PTPRB: variants seen among roughly 807,000 people sequenced by gnomAD.
PTPRB encodes the protein protein tyrosine phosphatase receptor type B, also known as receptor-type tyrosine-protein phosphatase beta.
A neutral mutation model predicts 238.1 loss-of-function variants in PTPRB; 97 were observed. That is an observed-to-expected ratio of 0.41 (90% CI 0.35 to 0.48). The LOEUF (loss-of-function observed/expected upper bound fraction) is 0.48, where lower values mean the gene tolerates loss of function less well. Ranked by LOEUF, PTPRB falls within the 20% of genes least tolerant of loss-of-function variation. PTPRB has a pLI of 0.30. For missense variants in PTPRB, 2,292 were observed against 2,681.9 expected, an observed-to-expected ratio of 0.85 and a Z score of 3.21; for synonymous variants, 970 against 995.4, an observed-to-expected ratio of 0.97 and a Z score of 0.48.
intron 22 of PTPRB, 80 bp from the exon 23 acceptor site, chr12:70,541,037 A>T: frequency 9.2e-7 from 1 of 1,084,892 alleles, no homozygotes; most frequent in East Asian, 2.6e-5. Flanking sequence ...TATTGAAGCC[A>T]TATCTCCCAA....
chr12:70,631,060 C>T (rs1396166299), intron 2 of PTPRB, among the ~76,000 whole-genome samples: 2 of 152,098 alleles, frequency 1.3e-5, no homozygotes, highest in Admixed American at 6.6e-5. Flanking sequence ...ACTTTCTTCA[C>T]AGAATTGGAA....
At chr12:70,600,953 C>T (rs1027140604) in intron 4 of PTPRB, among the ~76,000 whole-genome samples, 4 of 151,942 alleles carry the variant, frequency 2.6e-5, no homozygotes, top group African/African-American at 7.3e-5. Context: ...CTGCAACCTC[C>T]GCCTCCTGGG....
chr12:70,555,446 C>A, intron 19 of PTPRB, 137 bp from the exon 20 acceptor site: 1 of 849,070 alleles, frequency 1.2e-6, no homozygotes. Flanking sequence ...GTGTTTAATG[C>A]TGTAATCAAG....
intron 21 of PTPRB, among the ~76,000 whole-genome samples, chr12:70,552,498 A>AAAAAT (rs1555224803): frequency 1.8e-4 from 27 of 150,286 alleles, no homozygotes; most frequent in African/African-American, 5.4e-4. Context: ...AAAAAAAAAA[A>AAAAAT]AATAATGAAA....
chr12:70,530,074 T>C (rs779141449), intron 32 of PTPRB, among the ~76,000 whole-genome samples: 27 of 152,046 alleles, frequency 1.8e-4, no homozygotes, highest in Non-Finnish European at 3.4e-4. Flanking sequence ...ATAAATATCA[T>C]GGAAAACAAA....
Position 70,515,939 on chromosome 12 carries a change from T to TTA in PTPRB, c.*5549_*5550insTA, listed in dbSNP as rs1871174643. The TTA allele has an allele frequency of 1.3e-5, 2 of 151,790 alleles. No homozygotes were observed. Among genetic ancestry groups the TTA allele is most frequent in the African/African-American group, 4.8e-5 (2 of 41,376 alleles). The allele number at this position is 151,790 out of a possible 1,614,324, so 9.4% of individuals were successfully genotyped here. On this transcript the variant is annotated 3_prime_UTR_variant, in exon 34 of 34. Transcript: ENST00000334414. ...CAAGATGCTATATAGATTTTTTTTT[T>TTA]ACCACAGTTACAAATATAAAAATGT...
chr12:70,539,085 GATAAC>G (rs1874637722), intron 26 of PTPRB, 71 bp from the exon 27 acceptor site: 1 of 1,191,180 alleles, frequency 8.4e-7, no homozygotes, highest in African/African-American at 1.5e-5. Context: ...CAGTCCTGGA[GATAAC>G]ATAATAACAT....
At chr12:70,554,871 G>A (rs528319555) in intron 20 of PTPRB, among the ~76,000 whole-genome samples, 10 of 152,294 alleles carry the variant, frequency 6.6e-5, no homozygotes, top group African/African-American at 2.2e-4. Context: ...TGCACAGCAC[G>A]TAGTAAGGGC....
In PTPRB at chr12:70,539,938, C is replaced by T; in HGVS notation, c.5678+1G>A. 1 of 1,605,818 alleles carries T rather than the reference C, an allele frequency of 6.2e-7. No individual in the cohort carries two copies. Among genetic ancestry groups the T allele is most frequent in the Non-Finnish European group, 8.5e-7 (1 of 1,172,500 alleles). ...TATACGAAGGCAAATGTGGTGCTTACCCTTTCTGGCCCAGGTTTAAGTGGA... is the reference window on the plus strand; with the variant it reads ...TATACGAAGGCAAATGTGGTGCTTATCCTTTCTGGCCCAGGTTTAAGTGGA... On this transcript the variant is annotated splice_donor_variant, in intron 24 of 33. Transcript: ENST00000334414. LOFTEE classifies it high-confidence loss of function.
intron 21 of PTPRB, among the ~76,000 whole-genome samples, chr12:70,547,186 ATGATAT>A (rs1209149702): frequency 6.6e-6 from 1 of 152,224 alleles, no homozygotes; most frequent in African/African-American, 2.4e-5. Flanking sequence ...GAACATCAAG[ATGATAT>A]TGATAAATCA....
intron 4 of PTPRB, among the ~76,000 whole-genome samples, chr12:70,602,646 C>T (rs530402697): frequency 6.6e-6 from 1 of 152,184 alleles, no homozygotes; most frequent in South Asian, 2.1e-4. Context: ...TGGATTGTAT[C>T]AAAATGATGT....
rs567697131 is a variant in PTPRB at position 70,590,933 on chromosome 12, C to T, written c.1781-700G>A. Among the ~76,000 whole-genome samples the T allele has an allele frequency of 1.7e-4, 25 of 147,040 alleles. No homozygotes were observed. In the East Asian group the frequency reaches 4.1e-3, roughly 24 times the overall value. On this transcript the variant is annotated intron_variant, in intron 7 of 33. Transcript: ENST00000334414. ...TCCTTATTAAAGATCATTTCTATTTCCTCCAAGTTTTTTTTTTTTTTTTTT... is the reference window on the plus strand; with the variant it reads ...TCCTTATTAAAGATCATTTCTATTTTCTCCAAGTTTTTTTTTTTTTTTTTT...
intron 8 of PTPRB, among the ~76,000 whole-genome samples, chr12:70,588,977 A>G (rs2136453143): frequency 6.6e-6 from 1 of 152,284 alleles, no homozygotes; most frequent in Non-Finnish European, 1.5e-5. Context: ...AAAATAATAA[A>G]TAAATAAATA....
intron 4 of PTPRB, among the ~76,000 whole-genome samples, chr12:70,603,552 G>A (rs778139409): frequency 6.6e-5 from 10 of 152,064 alleles, no homozygotes; most frequent in Admixed American, 1.3e-4. Context: ...GTAAACCAGA[G>A]TTCAAGTTCT....
intron 4 of PTPRB, 44 bp from the exon 5 acceptor site, chr12:70,596,371 G>T: frequency 7.7e-7 from 1 of 1,300,864 alleles, no homozygotes; most frequent in Admixed American, 3.7e-5. Context: ...AAAAAAGAAA[G>T]AAAAAGAAAA....
chr12:70,603,381 T>C (rs904488352), intron 4 of PTPRB, among the ~76,000 whole-genome samples: 5 of 152,218 alleles, frequency 3.3e-5, no homozygotes, highest in African/African-American at 9.6e-5. Context: ...ATGCTAAGTA[T>C]ATATATATTT....
chr12:70,604,117 T>A (rs1304315456), intron 4 of PTPRB, among the ~76,000 whole-genome samples: 2 of 152,136 alleles, frequency 1.3e-5, no homozygotes, highest in Non-Finnish European at 2.9e-5. Context: ...ATTGGGTACC[T>A]GTAGTCCCAG....
Position 70,540,955 on chromosome 12 carries a change from G to A in PTPRB, c.5497C>T (p.Pro1833Ser). The change falls in exon 23 of 34, where the codon CCC becomes TCC. Residue 1833 changes from proline (P) to serine (S), a missense_variant and splice_region_variant. Transcript: ENST00000334414. ...ACACCTTCAATAGCTCCAAACAAGGGCTCTACAATAATCCAGATAGAAACA... is the reference window on the plus strand; with the variant it reads ...ACACCTTCAATAGCTCCAAACAAGGACTCTACAATAATCCAGATAGAAACA... ...FSLPITTESEPLFGAIEGVSA... is the reference protein window; with the variant it reads ...FSLPITTESESLFGAIEGVSA... 6.3e-7 allele frequency: 1 copy of A among 1,599,270 alleles called. No homozygotes were observed. The highest frequency in any genetic ancestry group is 2.2e-5 in the East Asian group (1 of 44,560).
intron 1 of PTPRB, 125 bp downstream of exon 1, chr12:70,637,216 C>T (rs1458547339): frequency 9.0e-6 from 7 of 777,150 alleles, no homozygotes; most frequent in Non-Finnish European, 1.4e-5. Flanking sequence ...TGCTTTTCAT[C>T]GTCTTTGGCT....
Sources: allele counts gnomAD v4.1 joint callset (sites outside exome capture counted in the v4.1 genomes callset), GRCh38; gene constraint gnomAD v4.1.1; transcripts MANE v1.5; gene names NCBI Gene and HGNC (gene_info 2026-07-23, HGNC 2026-07-21).